PVT1: variants seen among roughly 807,000 people sequenced by gnomAD.
The protein encoded by PVT1 is Pvt1 oncogene.
chr8:127,966,542 A>G (rs755519), intron 3 of PVT1, among the ~76,000 whole-genome samples: 83,225 of 152,068 alleles, frequency 0.55, 23,765 homozygotes, highest in South Asian at 0.76. Context: ...CTCAGCAGCC[A>G]GATAAGGCCT....
intron 3 of PVT1, among the ~76,000 whole-genome samples, chr8:127,894,650 G>A (rs1217633767): frequency 1.3e-5 from 2 of 152,248 alleles, no homozygotes; most frequent in Non-Finnish European, 2.9e-5. Context: ...TGGTATGTGC[G>A]ACCTGTGGTT....
intron 6 of PVT1, among the ~76,000 whole-genome samples, chr8:128,100,139 CT>C (rs757763727): frequency 0.036 from 5,165 of 142,868 alleles, 270 homozygotes; most frequent in East Asian, 0.24. Context: ...CCCTCCCTCC[CT>C]TCCTTCCTTC....
chr8:127,913,871 C>T (rs1237006411), intron 3 of PVT1, among the ~76,000 whole-genome samples: 1 of 152,062 alleles, frequency 6.6e-6, no homozygotes, highest in Non-Finnish European at 1.5e-5. Context: ...TCCAGGGGCT[C>T]CAGTGCCTCT....
At chr8:128,041,092 G>C (rs1398912944) in intron 4 of PVT1, among the ~76,000 whole-genome samples, 4 of 151,472 alleles carry the variant, frequency 2.6e-5, no homozygotes, top group African/African-American at 4.9e-5. Context: ...ATATGTTTGT[G>C]TGTGCTTGTG....
At chr8:128,039,723 T>C (rs906206053) in intron 4 of PVT1, among the ~76,000 whole-genome samples, 1 of 152,192 alleles carries the variant, frequency 6.6e-6, no homozygotes, top group Non-Finnish European at 1.5e-5. Flanking sequence ...TTTAATGAGA[T>C]CCTTCTGGCT....
chr8:128,007,694 C>T (rs1255056400), intron 4 of PVT1, among the ~76,000 whole-genome samples: 1 of 152,206 alleles, frequency 6.6e-6, no homozygotes, highest in East Asian at 1.9e-4. Flanking sequence ...TTTTTGATGT[C>T]TCCTGATAAT....
chr8:127,870,875 T>C (rs888735008), intron 2 of PVT1, among the ~76,000 whole-genome samples: 1 of 152,372 alleles, frequency 6.6e-6, no homozygotes, highest in Non-Finnish European at 1.5e-5. Context: ...TTATTTATAC[T>C]GTTTGCCAAA....
At chr8:128,027,086 T>C (rs1426485893) in intron 4 of PVT1, among the ~76,000 whole-genome samples, 5 of 149,020 alleles carry the variant, frequency 3.4e-5, no homozygotes, top group Non-Finnish European at 7.5e-5. Flanking sequence ...GATCTCCCTC[T>C]GTTCTTACAT....
At chr8:127,876,567 G>A (rs934914564) in intron 2 of PVT1, among the ~76,000 whole-genome samples, 11 of 150,510 alleles carry the variant, frequency 7.3e-5, no homozygotes, top group Non-Finnish European at 1.6e-4. Flanking sequence ...TCCCGCTTTC[G>A]TCCTTTACCT....
At chr8:127,899,948 C>T (rs955527977) in intron 3 of PVT1, among the ~76,000 whole-genome samples, 1 of 152,164 alleles carries the variant, frequency 6.6e-6, no homozygotes, top group Non-Finnish European at 1.5e-5. Flanking sequence ...TAACAAAAGC[C>T]GTATTCCCAC....
At chr8:128,018,219 A>G (rs1370889824) in intron 4 of PVT1, among the ~76,000 whole-genome samples, 1 of 152,220 alleles carries the variant, frequency 6.6e-6, no homozygotes, top group Non-Finnish European at 1.5e-5. Flanking sequence ...AATTGTTCAA[A>G]TGGCATGATG....
At chr8:127,867,545 C>T (rs141184714) in intron 2 of PVT1, among the ~76,000 whole-genome samples, 35 of 152,358 alleles carry the variant, frequency 2.3e-4, no homozygotes, top group African/African-American at 7.5e-4. Flanking sequence ...CACTTACTCC[C>T]TGCTTTTCGA....
intron 3 of PVT1, among the ~76,000 whole-genome samples, chr8:127,936,815 G>A (rs942779088): frequency 4.6e-5 from 7 of 152,154 alleles, no homozygotes; most frequent in South Asian, 2.1e-4. Flanking sequence ...ATACCCTCCC[G>A]TGGGACTTGG....
At chr8:128,082,489 C>T (rs532179626) in intron 5 of PVT1, among the ~76,000 whole-genome samples, 24 of 152,310 alleles carry the variant, frequency 1.6e-4, no homozygotes, top group African/African-American at 4.3e-4. Flanking sequence ...CCATGGCAGA[C>T]GCTGTCTCTT....
At chr8:128,037,932 T>C (rs1240596877) in intron 4 of PVT1, among the ~76,000 whole-genome samples, 2 of 152,234 alleles carry the variant, frequency 1.3e-5, no homozygotes, top group African/African-American at 4.8e-5. Context: ...TCTCCTTCCC[T>C]GTGAGGGAGT....
chr8:128,011,248 T>C (rs1817310723), intron 4 of PVT1, among the ~76,000 whole-genome samples: 1 of 152,202 alleles, frequency 6.6e-6, no homozygotes, highest in African/African-American at 2.4e-5. Flanking sequence ...TGCTTCTGTT[T>C]AGCAAGATAA....
chr8:127,983,150 G>C (rs1816904145), intron 3 of PVT1, among the ~76,000 whole-genome samples: 1 of 152,170 alleles, frequency 6.6e-6, no homozygotes, highest in South Asian at 2.1e-4. Context: ...AGGCAGCCTG[G>C]GGTCAAATCC....
chr8:127,943,461 G>A (rs1196857535), intron 3 of PVT1, among the ~76,000 whole-genome samples: 2 of 152,106 alleles, frequency 1.3e-5, no homozygotes, highest in African/African-American at 2.4e-5. Context: ...ACATAGGTAG[G>A]GTCTACAGCA....
chr8:127,842,899 G>C (rs1814988734), intron 2 of PVT1, among the ~76,000 whole-genome samples: 1 of 152,144 alleles, frequency 6.6e-6, no homozygotes, highest in Non-Finnish European at 1.5e-5. Flanking sequence ...CAACTTCCTA[G>C]AGTTCGTATA....
Sources: allele counts gnomAD v4.1 joint callset (sites outside exome capture counted in the v4.1 genomes callset), GRCh38; gene constraint gnomAD v4.1.1; transcripts MANE v1.5; gene names NCBI Gene and HGNC (gene_info 2026-07-23, HGNC 2026-07-21).